The following GABRG3 variants were observed in gnomAD, a reference collection of about 807,000 sequenced individuals.
GABRG3 encodes the protein gamma-aminobutyric acid receptor subunit gamma-3.
A neutral mutation model predicts 48.8 loss-of-function variants in GABRG3; 25 were observed. The ratio of observed to expected loss-of-function variants is 0.51; its 90% CI spans 0.37 to 0.72. The LOEUF is 0.72. Among genes scored for constraint, GABRG3 ranks in the 30% least tolerant of loss-of-function variants. GABRG3 has a pLI of 0.00. For synonymous variants in GABRG3, 227 were observed against 217.6 expected (o/e 1.04, Z -0.38); for missense variants, 394 against 577.9 (o/e 0.68, Z 3.26).
intron 3 of GABRG3, among the ~76,000 whole-genome samples, chr15:27,125,749 C>T (rs990674820): frequency 2.0e-5 from 3 of 152,224 alleles, no homozygotes; most frequent in African/African-American, 7.2e-5. Flanking sequence ...GGAAGAGTAT[C>T]TCTCAGAGGG....
chr15:27,192,525 G>A (rs977791507), intron 3 of GABRG3, among the ~76,000 whole-genome samples: 12 of 152,148 alleles, frequency 7.9e-5, no homozygotes, highest in Non-Finnish European at 1.2e-4. Flanking sequence ...ATTGGCTCCT[G>A]AGGCTTCTGC....
At chr15:27,484,951 C>T (rs1203883604) in intron 6 of GABRG3, among the ~76,000 whole-genome samples, 4 of 152,146 alleles carry the variant, frequency 2.6e-5, no homozygotes, top group South Asian at 4.1e-4. Context: ...AGATAAATCC[C>T]CCATGCAGAA....
At chr15:27,373,430 T>G (rs1895480942) in intron 5 of GABRG3, among the ~76,000 whole-genome samples, 1 of 152,160 alleles carries the variant, frequency 6.6e-6, no homozygotes, top group Admixed American at 6.5e-5. Context: ...AGTAAATCCC[T>G]ACAGGGAAAT....
intron 3 of GABRG3, among the ~76,000 whole-genome samples, chr15:27,264,164 G>T (rs1890851097): frequency 6.6e-6 from 1 of 152,006 alleles, no homozygotes; most frequent in African/African-American, 2.4e-5. Context: ...GGCCTCTGGA[G>T]AAACTGGAGA....
chr15:27,484,348 C>T (rs551306586), intron 6 of GABRG3, among the ~76,000 whole-genome samples: 1 of 151,922 alleles, frequency 6.6e-6, no homozygotes, highest in African/African-American at 2.4e-5. Context: ...GTAGGCTTAC[C>T]GACACTGAGA....
chr15:27,245,098 C>G (rs1890231804), intron 3 of GABRG3, among the ~76,000 whole-genome samples: 1 of 152,100 alleles, frequency 6.6e-6, no homozygotes, highest in Non-Finnish European at 1.5e-5. Context: ...TACAGGGATG[C>G]ATTGCTTTGA....
intron 3 of GABRG3, among the ~76,000 whole-genome samples, chr15:27,031,312 T>G (rs1896082615): frequency 6.6e-6 from 1 of 152,202 alleles, no homozygotes; most frequent in Non-Finnish European, 1.5e-5. Flanking sequence ...TCCTCTGTGC[T>G]CCACCTGTTT....
chr15:27,366,320 G>C (rs746983021), intron 5 of GABRG3: 13 of 152,200 alleles, frequency 8.5e-5, no homozygotes, highest in Non-Finnish European at 1.3e-4. Flanking sequence ...GCATCATATG[G>C]AGAAGATCCT....
intron 3 of GABRG3, among the ~76,000 whole-genome samples, chr15:27,122,590 A>G (rs1350482114): frequency 2.0e-5 from 3 of 152,178 alleles, no homozygotes; most frequent in Non-Finnish European, 2.9e-5. Context: ...GAGAAAAGCA[A>G]TGCAACATGA....
At position 27,189,723 on chromosome 15, in the gene GABRG3, C is replaced by A. The variant is rs150901175; in HGVS notation, c.271-137086C>A. Among the ~76,000 whole-genome samples the A allele has an allele frequency of 2.7e-3, 409 of 152,096 alleles. 3 individuals carry two copies. The highest frequency in any genetic ancestry group is 9.6e-3 in the African/African-American group (397 of 41,536). ...TTCCTAATTGAATACGCTTTATTTC[C>A]TTCTGCCTAATTGCCGTGGCCAGAA... On this transcript the variant is annotated intron_variant, in intron 3 of 9. Transcript: ENST00000615808.
In GABRG3 at chr15:27,398,666, G is replaced by GCA. The variant is rs111910385; in HGVS notation, c.574+69800_574+69801dup. On this transcript the variant is annotated intron_variant, in intron 5 of 9. Coordinates refer to ENST00000615808, the MANE Select transcript of GABRG3 (RefSeq NM_033223.5). ...TGGGTAGGGGAGATGACAAGCGCGC[G>GCA]CACACACACACACACACACACACCC... is the stretch of plus-strand genomic sequence containing the variant. Among the ~76,000 whole-genome samples, 488 of 147,272 alleles carry GCA rather than the reference G, an allele frequency of 3.3e-3. 1 individual carries two copies. Among genetic ancestry groups the GCA allele is most frequent in the South Asian group, 7.6e-3 (35 of 4,632 alleles).
chr15:27,126,467 T>G (rs377364403), intron 3 of GABRG3, among the ~76,000 whole-genome samples: 40 of 152,294 alleles, frequency 2.6e-4, no homozygotes, highest in African/African-American at 8.9e-4. Flanking sequence ...CTCTGACTTC[T>G]GACCATCTTC....
intron 5 of GABRG3, among the ~76,000 whole-genome samples, chr15:27,455,978 C>G (rs1415156092): frequency 6.6e-6 from 1 of 152,164 alleles, no homozygotes; most frequent in Non-Finnish European, 1.5e-5. Context: ...ATTTGAGAAG[C>G]CTGTGGTTGA....
intron 3 of GABRG3, among the ~76,000 whole-genome samples, chr15:27,286,897 C>G (rs1309956027): frequency 6.6e-6 from 1 of 152,184 alleles, no homozygotes; most frequent in African/African-American, 2.4e-5. Context: ...TCTCTCCCTC[C>G]AGATCCTTCC....
intron 5 of GABRG3, among the ~76,000 whole-genome samples, chr15:27,465,685 T>G (rs1281060789): frequency 1.3e-5 from 2 of 152,192 alleles, no homozygotes; most frequent in South Asian, 2.1e-4. Context: ...ACCCAATCTC[T>G]TATTTATCCT....
At chr15:27,099,795 A>G (rs1050678657) in intron 3 of GABRG3, among the ~76,000 whole-genome samples, 2 of 152,180 alleles carry the variant, frequency 1.3e-5, no homozygotes, top group African/African-American at 4.8e-5. Flanking sequence ...GGAGGAAAAC[A>G]CAAAAAACCA....
chr15:27,420,537 C>T (rs948680381), intron 5 of GABRG3: 11 of 152,142 alleles, frequency 7.2e-5, no homozygotes, highest in African/African-American at 1.7e-4. Context: ...TAAGAGTTCT[C>T]ACCGCACACA....
chr15:27,496,535 A>G (rs1890491631), intron 6 of GABRG3, among the ~76,000 whole-genome samples: 1 of 152,140 alleles, frequency 6.6e-6, no homozygotes, highest in Middle Eastern at 3.2e-3. Flanking sequence ...CCAGGGAAAT[A>G]ATCTTCATGT....
intron 3 of GABRG3, among the ~76,000 whole-genome samples, chr15:27,093,061 C>A (rs947171500): frequency 3.3e-5 from 5 of 152,056 alleles, no homozygotes; most frequent in African/African-American, 1.2e-4. Context: ...GACAGGCAGC[C>A]ATTGGGTTGA....
Sources: allele counts gnomAD v4.1 joint callset (sites outside exome capture counted in the v4.1 genomes callset), GRCh38; gene constraint gnomAD v4.1.1; transcripts MANE v1.5; gene names NCBI Gene and HGNC (gene_info 2026-07-23, HGNC 2026-07-21).